Variants in NTN1 observed in about 807,000 individuals in gnomAD.
The protein encoded by NTN1 is netrin-1.
A neutral mutation model predicts 54.2 loss-of-function variants in NTN1; 11 were observed. That is an observed-to-expected ratio of 0.20 (90% CI 0.13 to 0.34). NTN1 has a LOEUF of 0.34. Among genes scored for constraint, NTN1 ranks in the 10% least tolerant of loss-of-function variants. NTN1 has a pLI of 1.00. For missense variants in NTN1, 740 were observed against 893.1 expected, an observed-to-expected ratio of 0.83 and a Z score of 2.18; for synonymous variants, 371 against 382.0, an observed-to-expected ratio of 0.97 and a Z score of 0.33.
At chr17:9,054,597 A>T (rs2091972418) in intron 2 of NTN1, among the ~76,000 whole-genome samples, 2 of 152,220 alleles carry the variant, frequency 1.3e-5, no homozygotes, top group Non-Finnish European at 2.9e-5. Flanking sequence ...GAAAGAAAGG[A>T]GGAGGGAGAG....
At chr17:9,158,767 G>A (rs556845935) in intron 2 of NTN1, among the ~76,000 whole-genome samples, 2 of 152,244 alleles carry the variant, frequency 1.3e-5, no homozygotes, top group African/African-American at 4.8e-5. Context: ...TCTGCAGGAG[G>A]GCAAGGTGCA....
At chr17:9,090,186 T>G (rs1295169806) in intron 2 of NTN1, among the ~76,000 whole-genome samples, 1 of 151,388 alleles carries the variant, frequency 6.6e-6, no homozygotes, top group Non-Finnish European at 1.5e-5. Context: ...TCTTTTTCTT[T>G]TTTTTTTTGA....
intron 4 of NTN1, 37 bp from the exon 5 acceptor site, chr17:9,182,877 TTC>T (rs2092422580): frequency 6.2e-7 from 1 of 1,608,220 alleles, no homozygotes; most frequent in African/African-American, 1.3e-5. Flanking sequence ...TTACCTTGTT[TTC>T]TCTCCTCCCC....
intron 6 of NTN1, among the ~76,000 whole-genome samples, chr17:9,234,380 G>A (rs1162818279): frequency 1.3e-5 from 2 of 152,212 alleles, no homozygotes; most frequent in African/African-American, 2.4e-5. Context: ...ACGAGGGGTG[G>A]CCCATGGGCT....
chr17:9,138,182 G>C (rs553934699), intron 2 of NTN1, among the ~76,000 whole-genome samples: 26 of 152,334 alleles, frequency 1.7e-4, no homozygotes, highest in Non-Finnish European at 3.4e-4. Flanking sequence ...CCCCCTGGGC[G>C]GGTGTCTGGG....
At chr17:9,007,324 T>C in the NTN1 span, among the ~76,000 whole-genome samples, 1 of 149,506 alleles carries the variant, frequency 6.7e-6, no homozygotes, top group African/African-American at 2.5e-5. Context: ...TTTCCTTTCT[T>C]TCTTCCTTTT....
intron 2 of NTN1, among the ~76,000 whole-genome samples, chr17:9,114,411 T>G (rs1489764804): frequency 6.6e-6 from 1 of 150,792 alleles, no homozygotes; most frequent in Non-Finnish European, 1.5e-5. Flanking sequence ...GTGTTTGAAT[T>G]TTTTGCAAAA....
intron 2 of NTN1, among the ~76,000 whole-genome samples, chr17:9,045,904 A>T (rs1191488820): frequency 6.6e-6 from 1 of 152,234 alleles, no homozygotes; most frequent in Non-Finnish European, 1.5e-5. Flanking sequence ...AAAGTAAGGT[A>T]ATGTGATAAA....
At chr17:9,005,404 C>T in the NTN1 span, among the ~76,000 whole-genome samples, 2 of 152,030 alleles carry the variant, frequency 1.3e-5, no homozygotes, top group Non-Finnish European at 2.9e-5. Flanking sequence ...GGGCATCAGA[C>T]TTCCAACCGC....
intron 6 of NTN1, among the ~76,000 whole-genome samples, chr17:9,236,273 G>T (rs1597554871): frequency 6.6e-6 from 1 of 152,118 alleles, no homozygotes; most frequent in Admixed American, 6.5e-5. Context: ...GGTTGGGAGG[G>T]GCGCCAGGTT....
chr17:9,214,120 T>C (rs926688787), intron 5 of NTN1, among the ~76,000 whole-genome samples: 2 of 152,196 alleles, frequency 1.3e-5, no homozygotes, highest in African/African-American at 4.8e-5. Flanking sequence ...TATTAATTCA[T>C]TCCTTTTGCT....
At chr17:9,030,805 C>T (rs530440357) in intron 2 of NTN1, among the ~76,000 whole-genome samples, 5 of 151,934 alleles carry the variant, frequency 3.3e-5, no homozygotes, top group Non-Finnish European at 4.4e-5. Flanking sequence ...GGTAGACCTC[C>T]GGATTATTTA....
rs1455956498 is a variant in NTN1 at position 9,131,407 on chromosome 17, C to T, written c.1019-31406C>T. On this transcript the variant is annotated intron_variant, in intron 2 of 6. Transcript: ENST00000173229. ...TCATTGCCACATCCCCTGTGCCTGG[C>T]GCATAGGCTTTTGAGAAATATTTGC... is the stretch of plus-strand genomic sequence containing the variant. 2.0e-5 allele frequency among the ~76,000 whole-genome samples: 3 copies of T among 152,114 alleles called. No individual in the cohort carries two copies. In the East Asian group the frequency reaches 5.8e-4, roughly 29 times the overall value.
intron 6 of NTN1, among the ~76,000 whole-genome samples, chr17:9,235,090 G>T (rs1013832825): frequency 1.3e-5 from 2 of 150,656 alleles, no homozygotes; most frequent in Non-Finnish European, 2.9e-5. Context: ...AGCCTCCCCA[G>T]TAGCTGGGAT....
At chr17:9,062,247 C>T (rs2092001174) in intron 2 of NTN1, among the ~76,000 whole-genome samples, 3 of 152,218 alleles carry the variant, frequency 2.0e-5, no homozygotes, top group African/African-American at 4.8e-5. Flanking sequence ...TGAGGGGCCA[C>T]GGCCTCATAA....
chr17:9,230,344 G>A (rs996391089), intron 6 of NTN1, among the ~76,000 whole-genome samples: 1 of 152,130 alleles, frequency 6.6e-6, no homozygotes, highest in African/African-American at 2.4e-5. Context: ...GGGACAGGAC[G>A]CAGACCAGCC....
chr17:9,220,216 C>T (rs1467256116), intron 5 of NTN1, among the ~76,000 whole-genome samples: 2 of 152,194 alleles, frequency 1.3e-5, no homozygotes, highest in African/African-American at 4.8e-5. Flanking sequence ...CTTTGAGCCT[C>T]AGTCTTCTTG....
intron 2 of NTN1, among the ~76,000 whole-genome samples, chr17:9,120,507 G>C (rs1451706489): frequency 6.6e-6 from 1 of 152,174 alleles, no homozygotes; most frequent in East Asian, 1.9e-4. Context: ...GAGAGACTGC[G>C]ATGGTTTCTC....
chr17:9,076,809 C>T (rs2092051784), intron 2 of NTN1, among the ~76,000 whole-genome samples: 1 of 152,222 alleles, frequency 6.6e-6, no homozygotes, highest in Non-Finnish European at 1.5e-5. Context: ...GGTATTTTGA[C>T]AGTCAGTTAT....
Sources: gnomAD v4.1 joint callset for allele counts (sites outside exome capture counted in the v4.1 genomes callset) on GRCh38, gnomAD v4.1.1 for gene constraint, MANE v1.5 for transcripts, NCBI Gene and HGNC (gene_info 2026-07-23, HGNC 2026-07-21) for gene names.